Variants in CCDC170 observed in about 807,000 individuals in gnomAD.
CCDC170 encodes coiled-coil domain-containing protein 170.
Under a neutral mutation model 72.6 loss-of-function variants are expected in CCDC170, and 69 were observed. The ratio of observed to expected loss-of-function variants is 0.95; its 90% CI spans 0.78 to 1.16. CCDC170 has a LOEUF of 1.16. Among genes scored for constraint, CCDC170 ranks in the 50% most tolerant of loss-of-function variants. The probability of loss-of-function intolerance (pLI) is 0.00; values close to 1 mark genes in which losing one functional copy is unlikely to be tolerated. For missense variants in CCDC170, 852 were observed against 832.5 expected, an observed-to-expected ratio of 1.02 and a Z score of -0.29; for synonymous variants, 300 against 303.9, an observed-to-expected ratio of 0.99 and a Z score of 0.13.
At chr6:151,593,408 A>G in intron 8 of CCDC170, 128 bp downstream of exon 8, 1 of 975,452 alleles carries the variant, frequency 1.0e-6, no homozygotes, top group Non-Finnish European at 1.5e-6. Flanking sequence ...ATATGTATTT[A>G]GAATTGGAGG....
chr6:151,594,448 T>C (rs6912880), intron 8 of CCDC170, among the ~76,000 whole-genome samples: 16,859 of 152,186 alleles, frequency 0.11, 1,202 homozygotes, highest in African/African-American at 0.21. Context: ...TCTTGAGGAA[T>C]ATTTTATAAA....
chr6:151,593,021 C>G, intron 7 of CCDC170, 86 bp from the exon 8 acceptor site: 1 of 1,403,204 alleles, frequency 7.1e-7, no homozygotes, highest in Non-Finnish European at 1.0e-6. Flanking sequence ...TACCTGTAAG[C>G]TTGGGAGAAA....
At chr6:151,571,759 T>G (rs1396626104) in intron 5 of CCDC170, among the ~76,000 whole-genome samples, 3 of 152,172 alleles carry the variant, frequency 2.0e-5, no homozygotes, top group African/African-American at 4.8e-5. Flanking sequence ...TTGGTGCCTC[T>G]GTGGGCCATT....
intron 9 of CCDC170, among the ~76,000 whole-genome samples, chr6:151,601,371 T>C (rs956524930): frequency 2.0e-5 from 3 of 152,192 alleles, no homozygotes; most frequent in Non-Finnish European, 4.4e-5. Context: ...AGCCAAACCA[T>C]ATCACTTCTT....
At chr6:151,592,570 C>G (rs1457876546) in intron 7 of CCDC170, among the ~76,000 whole-genome samples, 1 of 152,152 alleles carries the variant, frequency 6.6e-6, no homozygotes, top group Non-Finnish European at 1.5e-5. Context: ...ATAAAACCAT[C>G]AGACGTCGTG....
intron 9 of CCDC170, 139 bp from the exon 10 acceptor site, chr6:151,615,304 C>T: frequency 2.8e-6 from 2 of 705,106 alleles, no homozygotes; most frequent in Non-Finnish European, 5.0e-6. Context: ...AGCAAAATCT[C>T]TAACTGTTTG....
chr6:151,598,575 C>T (rs1372193369), intron 9 of CCDC170, among the ~76,000 whole-genome samples: 1 of 152,090 alleles, frequency 6.6e-6, no homozygotes, highest in Non-Finnish European at 1.5e-5. Context: ...GAGACCGTCA[C>T]AAATTTCACA....
At chr6:151,590,344 G>C (rs958305473) in intron 7 of CCDC170, among the ~76,000 whole-genome samples, 4 of 152,152 alleles carry the variant, frequency 2.6e-5, no homozygotes, top group Admixed American at 1.3e-4. Flanking sequence ...AAGAATTTCA[G>C]GTGGATTGGT....
intron 1 of CCDC170, among the ~76,000 whole-genome samples, chr6:151,526,109 T>C (rs77242216): frequency 0.1 from 15,298 of 150,808 alleles, 1,424 homozygotes; most frequent in African/African-American, 0.24. Flanking sequence ...CCTTCCTTCC[T>C]TCCTTCCTTT....
intron 5 of CCDC170, among the ~76,000 whole-genome samples, chr6:151,569,763 T>C (rs1243673987): frequency 2.0e-5 from 3 of 152,142 alleles, no homozygotes; most frequent in Non-Finnish European, 4.4e-5. Flanking sequence ...TTCCAGAAGA[T>C]CAGCCCTGTG....
chr6:151,555,319 T>C (rs1379793479), intron 5 of CCDC170, among the ~76,000 whole-genome samples: 1 of 152,196 alleles, frequency 6.6e-6, no homozygotes, highest in Non-Finnish European at 1.5e-5. Flanking sequence ...TTCATTTCCT[T>C]TTCCTAGTTA....
intron 9 of CCDC170, among the ~76,000 whole-genome samples, chr6:151,605,467 C>T (rs764074043): frequency 3.3e-5 from 5 of 152,188 alleles, no homozygotes; most frequent in South Asian, 2.1e-4. Flanking sequence ...TTCCTTCAGT[C>T]AGGTTAAAGA....
chr6:151,596,383 C>T lies in CCDC170; in HGVS notation c.1516C>T (p.Leu506Phe). ...GGAGAGCAAAGAATTACACATGAGC[C>T]TCCTCCGGCAGAAAATAGCCCAGCT... ...RLESKELHMS[L>F]LRQKIAQLEE... The change falls in exon 9 of 11, where the codon CTC becomes TTC. Residue 506 changes from leucine to phenylalanine, a missense_variant. Physicochemically the swap from Leu to Phe is conservative, Grantham distance 22. Transcript: ENST00000239374. 6.2e-7 allele frequency: 1 copy of T among 1,614,068 alleles called. No homozygotes were observed. Among genetic ancestry groups the T allele is most frequent in the Non-Finnish European group, 8.5e-7 (1 of 1,180,012 alleles).
chr6:151,533,210 C>T (rs1184983544), intron 1 of CCDC170, among the ~76,000 whole-genome samples: 5 of 151,766 alleles, frequency 3.3e-5, no homozygotes, highest in East Asian at 2.0e-4. Flanking sequence ...CCCGCCACCA[C>T]ACCCGGCTAA....
At chr6:151,597,832 T>G (rs1007503834) in intron 9 of CCDC170, among the ~76,000 whole-genome samples, 1 of 152,218 alleles carries the variant, frequency 6.6e-6, no homozygotes, top group East Asian at 1.9e-4. Flanking sequence ...GCAAGTACAG[T>G]GGACAATAAC....
intron 1 of CCDC170, among the ~76,000 whole-genome samples, chr6:151,497,289 G>T (rs1396482837): frequency 6.6e-6 from 1 of 152,196 alleles, no homozygotes; most frequent in Non-Finnish European, 1.5e-5. Flanking sequence ...GCTGAGGTGG[G>T]AGGATCACTT....
chr6:151,582,843 C>T (rs1274915513), intron 6 of CCDC170, among the ~76,000 whole-genome samples: 7 of 152,160 alleles, frequency 4.6e-5, no homozygotes, highest in African/African-American at 1.7e-4. Context: ...GCAAGAATGA[C>T]ACCAAGTCAT....
intron 3 of CCDC170, among the ~76,000 whole-genome samples, chr6:151,539,153 G>A (rs28403179): frequency 1.3e-5 from 2 of 152,002 alleles, no homozygotes; most frequent in East Asian, 3.9e-4. Context: ...CCAGCTACTC[G>A]AGAGGCTGAG....
At chr6:151,608,950 A>G (rs1184728592) in intron 9 of CCDC170, among the ~76,000 whole-genome samples, 2 of 152,280 alleles carry the variant, frequency 1.3e-5, no homozygotes, top group Middle Eastern at 6.8e-3. Flanking sequence ...TGTCCATGAT[A>G]TGACTGTGGA....
Sources: allele counts gnomAD v4.1 joint callset (sites outside exome capture counted in the v4.1 genomes callset), GRCh38; gene constraint gnomAD v4.1.1; transcripts MANE v1.5; gene names NCBI Gene and HGNC (gene_info 2026-07-23, HGNC 2026-07-21).